TENM2: variants seen among roughly 807,000 people sequenced by gnomAD.
TENM2 encodes teneurin transmembrane protein 2.
Under a neutral mutation model 245.2 loss-of-function variants are expected in TENM2, and 52 were observed. The ratio of observed to expected loss-of-function variants is 0.21; its 90% confidence interval spans 0.17 to 0.27. TENM2 has a LOEUF of 0.27. TENM2 is among the 10% of genes least tolerant of loss of function. The probability of loss-of-function intolerance (pLI) is 1.00; values close to 1 mark genes in which losing one functional copy is unlikely to be tolerated. For synonymous variants in TENM2, 1,363 were observed against 1,438.9 expected (o/e 0.95, Z 1.19); for missense variants, 3,046 against 3,666.8 (o/e 0.83, Z 4.37).
At chr5:167,219,018 C>T in the TENM2 span, among the ~76,000 whole-genome samples, 1 of 152,178 alleles carries the variant, frequency 6.6e-6, no homozygotes, top group Non-Finnish European at 1.5e-5. Flanking sequence ...AATCACTGTA[C>T]ATCAAATCAG....
the TENM2 span, among the ~76,000 whole-genome samples, chr5:167,159,551 T>C: frequency 6.6e-6 from 1 of 152,200 alleles, no homozygotes; most frequent in Non-Finnish European, 1.5e-5. Context: ...ACAATGTATA[T>C]GTACTTCAAA....
At chr5:167,189,704 G>T in the TENM2 span, among the ~76,000 whole-genome samples, 1 of 151,942 alleles carries the variant, frequency 6.6e-6, no homozygotes, top group Admixed American at 6.6e-5. Context: ...GAGTAGCTAT[G>T]ATTATAGGTG....
chr5:168,097,909 A>C (rs958119339), intron 8 of TENM2, 117 bp from the exon 11 acceptor site: 1 of 703,204 alleles, frequency 1.4e-6, no homozygotes. Flanking sequence ...CCGATCCCCT[A>C]TGACAGGCAT....
chr5:167,401,436 A>G (rs1762361261), intron 2 of TENM2, among the ~76,000 whole-genome samples: 1 of 152,204 alleles, frequency 6.6e-6, no homozygotes, highest in Non-Finnish European at 1.5e-5. Flanking sequence ...ATGAGCAGCC[A>G]GTAAGATTCT....
At chr5:167,559,001 G>A (rs1030179387) in intron 2 of TENM2, among the ~76,000 whole-genome samples, 4 of 152,202 alleles carry the variant, frequency 2.6e-5, no homozygotes, top group African/African-American at 7.2e-5. Context: ...CCTGAGGACA[G>A]GAGCAACAGT....
At chr5:167,660,006 G>T (rs2150318223) in intron 2 of TENM2, 1 of 152,218 alleles carries the variant, frequency 6.6e-6, no homozygotes, top group East Asian at 1.9e-4. Context: ...AATGACAACA[G>T]TTAATTATAT....
intron 2 of TENM2, among the ~76,000 whole-genome samples, chr5:167,694,257 G>A (rs1757619808): frequency 6.6e-6 from 1 of 152,056 alleles, no homozygotes; most frequent in Admixed American, 6.5e-5. Context: ...TCTCAATTAT[G>A]GCCTTATGTT....
At chr5:168,200,985 T>C (rs2152532413) in intron 17 of TENM2, among the ~76,000 whole-genome samples, 1 of 152,328 alleles carries the variant, frequency 6.6e-6, no homozygotes, top group South Asian at 2.1e-4. Context: ...GTAGCCAATG[T>C]GTATCAGACG....
At chr5:168,025,297 G>A (rs907200727) in intron 5 of TENM2, among the ~76,000 whole-genome samples, 18 of 152,214 alleles carry the variant, frequency 1.2e-4, no homozygotes, top group Non-Finnish European at 2.5e-4. Flanking sequence ...TAGCATCCAT[G>A]CTAATGGCAT....
At chr5:166,980,897 T>C in the TENM2 span, among the ~76,000 whole-genome samples, 1 of 152,208 alleles carries the variant, frequency 6.6e-6, no homozygotes, top group African/African-American at 2.4e-5. Flanking sequence ...ACCCTCCTTC[T>C]GCTAGGTGGT....
intron 2 of TENM2, among the ~76,000 whole-genome samples, chr5:167,392,626 G>A (rs1200859665): frequency 6.6e-6 from 1 of 151,992 alleles, no homozygotes; most frequent in Non-Finnish European, 1.5e-5. Context: ...CAGCAGATGG[G>A]ATTTCTCAGT....
chr5:168,047,367 C>CT, intron 5 of TENM2, 60 bp from the exon 8 acceptor site: 1 of 1,547,886 alleles, frequency 6.5e-7, no homozygotes, highest in Non-Finnish European at 8.7e-7. Flanking sequence ...GGCCCTCCCC[C>CT]TTGACATTTG....
intron 12 of TENM2, 62 bp downstream of exon 14, chr5:168,127,028 G>C: frequency 7.1e-7 from 1 of 1,399,364 alleles, no homozygotes. Flanking sequence ...ATGGCAACTG[G>C]CTGTTCCTTC....
intron 19 of TENM2, among the ~76,000 whole-genome samples, chr5:168,205,085 T>C (rs1456701512): frequency 6.6e-6 from 1 of 152,194 alleles, no homozygotes; most frequent in African/African-American, 2.4e-5. Flanking sequence ...CTAGGTAGAT[T>C]CCTCCTGCCC....
At chr5:167,294,851 A>G (rs995090730) in intron 1 of TENM2, among the ~76,000 whole-genome samples, 2 of 152,222 alleles carry the variant, frequency 1.3e-5, no homozygotes, top group African/African-American at 4.8e-5. Context: ...TTGCAAAAAT[A>G]TCACGGATCT....
intron 2 of TENM2, among the ~76,000 whole-genome samples, chr5:167,417,410 G>A (rs182651498): frequency 2.0e-5 from 3 of 152,072 alleles, no homozygotes; most frequent in Non-Finnish European, 4.4e-5. Flanking sequence ...ATACTGAATT[G>A]CCAGATGGAT....
the TENM2 span, among the ~76,000 whole-genome samples, chr5:167,154,247 T>C: frequency 6.5e-3 from 986 of 152,340 alleles, 12 homozygotes; most frequent in African/African-American, 0.023. Flanking sequence ...ATTTAACCAA[T>C]AACAGATTTA....
intron 7 of TENM2, among the ~76,000 whole-genome samples, chr5:168,076,287 G>T (rs181535639): frequency 6.6e-6 from 1 of 151,644 alleles, no homozygotes; most frequent in African/African-American, 2.4e-5. Context: ...ATGCAGTGGT[G>T]TGATCTCGGC....
chr5:167,757,030 T>C (rs980719152), intron 2 of TENM2, among the ~76,000 whole-genome samples: 7 of 151,046 alleles, frequency 4.6e-5, no homozygotes, highest in Non-Finnish European at 8.9e-5. Context: ...ACCTTTTCTT[T>C]CTTTTTTCTT....
Sources: gnomAD v4.1 joint callset for allele counts (sites outside exome capture counted in the v4.1 genomes callset) on GRCh38, gnomAD v4.1.1 for gene constraint, MANE v1.5 for transcripts, NCBI Gene and HGNC (gene_info 2026-07-23, HGNC 2026-07-21) for gene names.